ATP6V1C1: variants seen among roughly 807,000 people sequenced by gnomAD.
ATP6V1C1 encodes V-type proton ATPase subunit C 1.
Under a neutral mutation model 53.9 loss-of-function variants are expected in ATP6V1C1, and 45 were observed. The ratio of observed to expected loss-of-function variants is 0.83; its 90% confidence interval spans 0.66 to 1.07. The LOEUF (loss-of-function observed/expected upper bound fraction) is 1.07. ATP6V1C1 is among the 50% of genes least tolerant of loss of function. The pLI is 0.00. For synonymous variants in ATP6V1C1, 153 were observed against 155.2 expected (o/e 0.99, Z 0.11); for missense variants, 315 against 440.3 (o/e 0.72, Z 2.55).
chr8:103,021,902 C>T (rs774810062), intron 1 of ATP6V1C1, among the ~76,000 whole-genome samples: 1 of 152,068 alleles, frequency 6.6e-6, no homozygotes, highest in African/African-American at 2.4e-5. Context: ...AAGGGGGAAG[C>T]TAGTATTCTT....
At position 103,040,984 on chromosome 8, in the gene ATP6V1C1, G is replaced by A; in HGVS notation, c.132+16G>A. On this transcript the variant is annotated intron_variant, in intron 2 of 12. Transcript: ENST00000518738. Reference sequence around the variant, plus strand: ...TGACTTAAAGGTGAAGCTGCACTGTGCAAAATTATATATGAGTTCATCATC... The same window carrying A: ...TGACTTAAAGGTGAAGCTGCACTGTACAAAATTATATATGAGTTCATCATC... 6.2e-7 allele frequency: 1 copy of A among 1,611,582 alleles called. No individual in the cohort carries two copies. Among genetic ancestry groups the A allele is most frequent in the Non-Finnish European group, 8.5e-7 (1 of 1,178,550 alleles).
At chr8:103,032,061 G>A (rs190705403) in intron 1 of ATP6V1C1, among the ~76,000 whole-genome samples, 95 of 152,046 alleles carry the variant, frequency 6.2e-4, no homozygotes, top group African/African-American at 2.2e-3. Context: ...TCGGACATTG[G>A]CAGAATTGCA....
At chr8:103,059,204 T>C (rs1275080182) in intron 8 of ATP6V1C1, among the ~76,000 whole-genome samples, 1 of 152,184 alleles carries the variant, frequency 6.6e-6, no homozygotes, top group Non-Finnish European at 1.5e-5. Flanking sequence ...AGTTTCTCTA[T>C]GTTTCAGAGT....
intron 8 of ATP6V1C1, among the ~76,000 whole-genome samples, chr8:103,059,534 C>T (rs2131400827): frequency 6.6e-6 from 1 of 151,698 alleles, no homozygotes; most frequent in South Asian, 2.1e-4. Context: ...CCACCGGCCC[C>T]CCACCTGAAA....
intron 1 of ATP6V1C1, among the ~76,000 whole-genome samples, chr8:103,032,167 A>G (rs1816809578): frequency 6.6e-6 from 1 of 152,238 alleles, no homozygotes; most frequent in Non-Finnish European, 1.5e-5. Context: ...TGTCAAGATC[A>G]TATAAAAATT....
chr8:103,058,262 C>T (rs925644007), intron 8 of ATP6V1C1, among the ~76,000 whole-genome samples: 2 of 152,210 alleles, frequency 1.3e-5, no homozygotes, highest in African/African-American at 2.4e-5. Flanking sequence ...ACTAATCTTC[C>T]GAGAGCTTCC....
intron 1 of ATP6V1C1, among the ~76,000 whole-genome samples, chr8:103,022,320 G>T (rs1231974129): frequency 6.6e-6 from 1 of 152,194 alleles, no homozygotes; most frequent in African/African-American, 2.4e-5. Flanking sequence ...GGAGTCAGAA[G>T]TAGCTTTTAC....
chr8:103,029,066 A>G (rs761455515), intron 1 of ATP6V1C1, among the ~76,000 whole-genome samples: 8 of 152,140 alleles, frequency 5.3e-5, no homozygotes, highest in Non-Finnish European at 8.8e-5. Context: ...ACAAACATTC[A>G]TAATCACTCC....
chr8:103,063,291 C>T, intron 10 of ATP6V1C1, 63 bp downstream of exon 10: 7 of 1,083,644 alleles, frequency 6.5e-6, no homozygotes, highest in Non-Finnish European at 6.6e-6. Context: ...TATTGCTTTC[C>T]TTTGATTTAA....
Position 103,021,109 on chromosome 8 carries a change from G to C in ATP6V1C1, c.-156G>C, listed in dbSNP as rs1014316366. On this transcript the variant is annotated 5_prime_UTR_variant, in exon 1 of 13. Transcript: ENST00000518738. ...TTCTGTGTTCGCTTGGGTAGAGGAA[G>C]CCGTGAGGCCGGAGCTTAGGTCGGG... is the stretch of plus-strand genomic sequence containing the variant. 1 of 152,914 alleles carries C rather than the reference G, an allele frequency of 6.5e-6. No homozygotes were observed. Among genetic ancestry groups the C allele is most frequent in the Non-Finnish European group, 1.5e-5 (1 of 68,254 alleles). 9.5% of individuals were successfully genotyped at this position (152,914 alleles called of 1,614,324 possible). A position where few individuals can be genotyped will look rare whatever the true frequency, so the allele number is the denominator to read the frequency against.
At chr8:103,048,336 A>G (rs926512001) in intron 3 of ATP6V1C1, among the ~76,000 whole-genome samples, 1 of 152,212 alleles carries the variant, frequency 6.6e-6, no homozygotes, top group East Asian at 1.9e-4. Flanking sequence ...GGCTTCCTCT[A>G]TAGCATAGCT....
Position 103,053,987 on chromosome 8 carries a change from GTCTT to G in ATP6V1C1, c.572+9_572+12del, listed in dbSNP as rs748167578. 9 of 1,594,796 alleles carry G rather than the reference GTCTT, an allele frequency of 5.6e-6. No individual in the cohort carries two copies. The highest frequency in any genetic ancestry group is 7.7e-6 in the Non-Finnish European group (9 of 1,167,642). On this transcript the variant is annotated splice_donor_region_variant and intron_variant, in intron 7 of 12. Transcript: ENST00000518738. ...ATTACTGGTAGTAGTTCCCAAGTAA[GTCTT>G]TCTATTATAAAAGGTTTTACTTGTT...
intron 3 of ATP6V1C1, among the ~76,000 whole-genome samples, chr8:103,043,597 C>T (rs1247329460): frequency 1.3e-5 from 2 of 151,990 alleles, no homozygotes; most frequent in African/African-American, 4.8e-5. Flanking sequence ...TCCCAAAGTG[C>T]TGGGATTACA....
intron 11 of ATP6V1C1, 74 bp from the exon 12 acceptor site, chr8:103,066,247 A>G: frequency 2.0e-6 from 3 of 1,503,032 alleles, no homozygotes; most frequent in Non-Finnish European, 2.7e-6. Context: ...AGAGTATGAG[A>G]ATATTTGCTT....
At chr8:103,045,872 C>T (rs961477209) in intron 3 of ATP6V1C1, among the ~76,000 whole-genome samples, 4 of 151,698 alleles carry the variant, frequency 2.6e-5, no homozygotes, top group South Asian at 2.1e-4. Flanking sequence ...ACTCGGGAGG[C>T]GGAGCTTGCA....
chr8:103,039,693 T>A (rs994809020), intron 1 of ATP6V1C1, among the ~76,000 whole-genome samples: 1 of 152,154 alleles, frequency 6.6e-6, no homozygotes, highest in African/African-American at 2.4e-5. Flanking sequence ...CTGAATAGAT[T>A]TGTCTCTGTA....
At chr8:103,048,758 G>A (rs2454048) in intron 3 of ATP6V1C1, 112 bp from the exon 4 acceptor site, 31,911 of 827,314 alleles carry the variant, frequency 0.039, 716 homozygotes, top group Middle Eastern at 0.069. Flanking sequence ...ATATGGATAG[G>A]TATAATGGGA....
At chr8:103,051,451 T>C (rs1586320717) in intron 5 of ATP6V1C1, among the ~76,000 whole-genome samples, 2 of 152,228 alleles carry the variant, frequency 1.3e-5, no homozygotes, top group South Asian at 4.1e-4. Flanking sequence ...AATAGGAAAT[T>C]GGAGTCTATT....
chr8:103,025,032 C>G (rs1426146627), intron 1 of ATP6V1C1, among the ~76,000 whole-genome samples: 1 of 151,710 alleles, frequency 6.6e-6, no homozygotes, highest in African/African-American at 2.4e-5. Flanking sequence ...AACTGTATAT[C>G]TAAAATGTGG....
Sources: allele counts gnomAD v4.1 joint callset (sites outside exome capture counted in the v4.1 genomes callset), GRCh38; gene constraint gnomAD v4.1.1; transcripts MANE v1.5; gene names NCBI Gene and HGNC (gene_info 2026-07-23, HGNC 2026-07-21).